Variants in TRPC6 observed in about 807,000 individuals in gnomAD.
TRPC6 encodes the protein short transient receptor potential channel 6.
Under a neutral mutation model 90.7 loss-of-function variants are expected in TRPC6, and 55 were observed. The observed-to-expected ratio is 0.61, with a 90% CI of 0.49 to 0.76. The LOEUF is 0.76. Ranked by LOEUF, TRPC6 falls within the 30% of genes least tolerant of loss-of-function variation. The probability of loss-of-function intolerance (pLI) is 0.00; values close to 1 mark genes in which losing one functional copy is unlikely to be tolerated. For synonymous variants in TRPC6, 393 were observed against 393.0 expected (o/e 1.00, Z 0.00); for missense variants, 989 against 1,122.7 (o/e 0.88, Z 1.70).
intron 1 of TRPC6, among the ~76,000 whole-genome samples, chr11:101,579,183 C>G (rs1286854822): frequency 2.6e-5 from 4 of 152,044 alleles, no homozygotes; most frequent in African/African-American, 9.7e-5. Context: ...GTATTATCAT[C>G]AATTATGTTC....
intron 1 of TRPC6, among the ~76,000 whole-genome samples, chr11:101,535,498 T>G (rs576097623): frequency 1.8e-4 from 27 of 152,266 alleles, no homozygotes; most frequent in African/African-American, 5.8e-4. Context: ...ACACAGAACT[T>G]CAGAGGACTA....
chr11:101,508,066 A>C (rs554359467), intron 1 of TRPC6, among the ~76,000 whole-genome samples: 2 of 152,042 alleles, frequency 1.3e-5, no homozygotes, highest in Admixed American at 1.3e-4. Flanking sequence ...TTTCAAAAAC[A>C]CCCTTTATTT....
rs577255520 is a variant in TRPC6 at position 101,489,982 on chromosome 11, T to C, written c.1129-881A>G. 1.8e-3 allele frequency among the ~76,000 whole-genome samples: 271 copies of C among 152,258 alleles called. 2 individuals carry two copies. Among genetic ancestry groups the C allele is most frequent in the African/African-American group, 6.3e-3 (262 of 41,562 alleles). ...GGAAGAAATAAGCCCTGTCACACACTGTTGGTGTGTATGGAAACTGGTACA... is the reference window on the plus strand; with the variant it reads ...GGAAGAAATAAGCCCTGTCACACACCGTTGGTGTGTATGGAAACTGGTACA... On this transcript the variant is annotated intron_variant, in intron 3 of 12. Coordinates refer to ENST00000344327, the MANE Select transcript of TRPC6 (RefSeq NM_004621.6).
chr11:101,583,240 A>C lies in TRPC6; in HGVS notation c.170+94T>G, dbSNP rs1368974716. The C allele has an allele frequency of 1.1e-5, 16 of 1,486,862 alleles. No homozygotes were observed. The South Asian group carries it at 2.1e-4, about 20-fold the overall frequency. The allele number at this position is 1,486,862 out of a possible 1,614,324, so 92.1% of individuals were successfully genotyped here. ...TCCTAGGAGGTACACACGCGGGTTC[A>C]GGACGCGCGCGGACGGACTCGGCCA... is the stretch of plus-strand genomic sequence containing the variant. On this transcript the variant is annotated intron_variant, in intron 1 of 12. Coordinates refer to ENST00000344327, the MANE Select transcript of TRPC6 (RefSeq NM_004621.6).
At chr11:101,495,295 T>C (rs899224413) in intron 2 of TRPC6, among the ~76,000 whole-genome samples, 1 of 152,210 alleles carries the variant, frequency 6.6e-6, no homozygotes, top group African/African-American at 2.4e-5. Context: ...GTGATTTTAA[T>C]CTCTGGCTCT....
At chr11:101,510,370 A>G (rs1451835700) in intron 1 of TRPC6, among the ~76,000 whole-genome samples, 1 of 152,174 alleles carries the variant, frequency 6.6e-6, no homozygotes, top group Non-Finnish European at 1.5e-5. Flanking sequence ...TAGCAAAATC[A>G]TCTGTTAAAA....
rs1006577715 is a variant in TRPC6 at position 101,453,467 on chromosome 11, G to A, written c.2644+183C>T. ...TATCTAGCAAGTGGCACCTGTCCCC[G>A]CCTGTGGAGACATAGCCTGTTCCCC... On this transcript the variant is annotated intron_variant, in intron 12 of 12. Coordinates refer to ENST00000344327, the MANE Select transcript of TRPC6 (RefSeq NM_004621.6). 3.9e-5 allele frequency among the ~76,000 whole-genome samples: 6 copies of A among 152,006 alleles called. No individual in the cohort carries two copies. The East Asian group carries it at 7.7e-4, about 20-fold the overall frequency.
intron 5 of TRPC6, among the ~76,000 whole-genome samples, chr11:101,478,158 A>G (rs994578896): frequency 2.0e-5 from 3 of 152,202 alleles, no homozygotes; most frequent in African/African-American, 7.2e-5. Flanking sequence ...GGATTAAGGA[A>G]ATGCCCCGTC....
At chr11:101,477,581 A>G (rs1283597898) in intron 5 of TRPC6, among the ~76,000 whole-genome samples, 1 of 152,182 alleles carries the variant, frequency 6.6e-6, no homozygotes, top group East Asian at 1.9e-4. Flanking sequence ...TTAACGTAGT[A>G]TTTAGGAACA....
In TRPC6 at chr11:101,504,682, G is replaced by C. The variant is rs560258133; in HGVS notation, c.287C>G (p.Ser96Cys). ...ATCCAAAAAGCGTTCCTCCTCTATA[G>C]ATAGGCTTGTGGAGCGATCACTAAA... ...YMFSDRSTSL[S>C]IEEERFLDAA... The change falls in exon 2 of 13, where the codon TCT (serine) becomes TGT (cysteine). Residue 96 changes from serine (S) to cysteine (C), a missense_variant. Physicochemically the swap from Ser to Cys is moderately radical, Grantham distance 112 (BLOSUM62 -1). Transcript: ENST00000344327. 6.2e-7 allele frequency: 1 copy of C among 1,600,844 alleles called. No individual in the cohort carries two copies. The highest frequency in any genetic ancestry group is 1.7e-5 in the Admixed American group (1 of 59,212).
chr11:101,471,234 C>A lies in TRPC6; in HGVS notation c.2358G>T (p.Glu786Asp), dbSNP rs778273150. The A allele has an allele frequency of 6.2e-7, 1 of 1,613,816 alleles. No individual in the cohort carries two copies. The highest frequency in any genetic ancestry group is 8.5e-7 in the Non-Finnish European group (1 of 1,179,882). The change falls in exon 9 of 13, where the codon GAG (glutamate) becomes GAT (aspartate). Residue 786 changes from glutamate (E) to aspartate (D), a missense_variant. Physicochemically the swap from Glu to Asp is conservative, Grantham distance 45. Around this residue, in one of 4 missense-constraint regions of TRPC6, gnomAD observed 191 missense variants for 196.7 expected, o/e 0.97. Transcript: ENST00000344327. The stretch of plus-strand genomic sequence containing the variant: ...AACCTTTTTTATGGCCCTGGAACAG[C>A]TCAGAAATCCATTTTTTAAGCTTCA... Reference protein sequence around the residue: ...LLLKLKKWISELFQGHKKGFQ... With the variant: ...LLLKLKKWISDLFQGHKKGFQ...
intron 1 of TRPC6, among the ~76,000 whole-genome samples, chr11:101,551,905 C>T (rs538879502): frequency 1.3e-5 from 2 of 152,186 alleles, no homozygotes; most frequent in South Asian, 4.1e-4. Context: ...ACACAACTCA[C>T]TGTTAGTGCA....
At chr11:101,565,329 T>C (rs1861805269) in intron 1 of TRPC6, among the ~76,000 whole-genome samples, 1 of 152,072 alleles carries the variant, frequency 6.6e-6, no homozygotes, top group Non-Finnish European at 1.5e-5. Context: ...ATGAGTTTAG[T>C]TAATAGCAAA....
At chr11:101,491,058 G>C (rs1859793187) in intron 3 of TRPC6, among the ~76,000 whole-genome samples, 1 of 152,212 alleles carries the variant, frequency 6.6e-6, no homozygotes, top group Admixed American at 6.5e-5. Flanking sequence ...AATACGTCTA[G>C]ATTTTAAAGA....
intron 1 of TRPC6, among the ~76,000 whole-genome samples, chr11:101,527,464 G>A (rs939410569): frequency 1.3e-5 from 2 of 151,972 alleles, no homozygotes; most frequent in African/African-American, 4.8e-5. Context: ...AAGGAAATAC[G>A]GATTTCAAAA....
chr11:101,583,417 C>T lies in TRPC6; in HGVS notation c.87G>A (p.Gln29=), dbSNP rs1591156820. 3.2e-6 allele frequency: 5 copies of T among 1,573,544 alleles called. No individual in the cohort carries two copies. The South Asian group carries it at 4.6e-5, about 15-fold the overall frequency. ...GCTCCGAGTCCATGAGCAGATAGTCCTGGCTCTCGTTGCGCCGCGCAGCGG... is the reference window on the plus strand; with the variant it reads ...GCTCCGAGTCCATGAGCAGATAGTCTTGGCTCTCGTTGCGCCGCGCAGCGG... ...AGAAARRNES[Q]DYLLMDSELG... Residue 29 remains glutamine, a synonymous_variant, in exon 1 of 13, where the codon CAG becomes CAA. Transcript: ENST00000344327.
chr11:101,542,176 T>G (rs369291523), intron 1 of TRPC6, among the ~76,000 whole-genome samples: 2 of 152,298 alleles, frequency 1.3e-5, no homozygotes, highest in South Asian at 2.1e-4. Flanking sequence ...CTATTGTAAT[T>G]TCAAGGATAG....
At chr11:101,455,496 C>T in intron 10 of TRPC6, 1 of 201,162 alleles carries the variant, frequency 5.0e-6, no homozygotes, top group Non-Finnish European at 1.0e-5. Flanking sequence ...AAGACATCCA[C>T]ACCTGAAGCA....
At chr11:101,536,407 A>T (rs11224822) in intron 1 of TRPC6, among the ~76,000 whole-genome samples, 8 of 124,870 alleles carry the variant, frequency 6.4e-5, no homozygotes, top group African/African-American at 1.3e-4. Context: ...CCTCCCCCCC[A>T]CCAAAAAAAA....
Sources: gnomAD v4.1 joint callset for allele counts (sites outside exome capture counted in the v4.1 genomes callset) on GRCh38, gnomAD v4.1.1 for gene constraint, gnomAD v4.1.1 regional missense constraint, MANE v1.5 for transcripts, NCBI Gene and HGNC (gene_info 2026-07-23, HGNC 2026-07-21) for gene names.